Variants in SPOCD1 observed in about 807,000 individuals in gnomAD.
The protein encoded by SPOCD1 is SPOC domain-containing protein 1.
In SPOCD1, 64 loss-of-function variants were observed where a neutral mutation model predicts 92.2. The observed-to-expected ratio is 0.69, with a 90% CI of 0.57 to 0.86. SPOCD1 has a LOEUF of 0.86. Ranked by LOEUF, SPOCD1 falls within the 40% of genes least tolerant of loss-of-function variation. SPOCD1 has a pLI of 0.00. For missense variants in SPOCD1, 1,360 were observed against 1,543.1 expected (o/e 0.88, Z 1.99); for synonymous variants, 578 against 619.3 (o/e 0.93, Z 0.99).
At chr1:31,806,571 G>A (rs1029845457) in intron 2 of SPOCD1, among the ~76,000 whole-genome samples, 1 of 149,654 alleles carries the variant, frequency 6.7e-6, no homozygotes, top group Non-Finnish European at 1.5e-5. Context: ...TTGAGACGGA[G>A]TCTCACACTG....
At chr1:31,797,703 C>T (rs1570162360) in intron 9 of SPOCD1, among the ~76,000 whole-genome samples, 1 of 152,224 alleles carries the variant, frequency 6.6e-6, no homozygotes, top group South Asian at 2.1e-4. Flanking sequence ...TTCTCCAAAG[C>T]CTGCTCAGTG....
intron 2 of SPOCD1, among the ~76,000 whole-genome samples, chr1:31,802,223 G>T (rs955163514): frequency 2.0e-4 from 31 of 152,146 alleles, no homozygotes; most frequent in African/African-American, 7.2e-4. Context: ...TTCATACTAC[G>T]AATTCTATGT....
intron 2 of SPOCD1, among the ~76,000 whole-genome samples, chr1:31,810,076 G>GCCCTC (rs1649101447): frequency 1.3e-5 from 2 of 151,930 alleles, no homozygotes; most frequent in African/African-American, 4.8e-5. Flanking sequence ...CCCCTCCTCT[G>GCCCTC]CCCTCCCCTC....
At chr1:31,806,926 AC>A (rs1230157963) in intron 2 of SPOCD1, among the ~76,000 whole-genome samples, 1 of 152,198 alleles carries the variant, frequency 6.6e-6, no homozygotes, top group Non-Finnish European at 1.5e-5. Flanking sequence ...TTTTACACTT[AC>A]AGTACATCTC....
intron 13 of SPOCD1, 89 bp downstream of exon 13, chr1:31,793,189 A>C: frequency 6.9e-7 from 1 of 1,440,116 alleles, no homozygotes; most frequent in Non-Finnish European, 9.3e-7. Context: ...GAATTGTTTT[A>C]GAATGCATGA....
chr1:31,805,724 T>A (rs1648778465), intron 2 of SPOCD1, among the ~76,000 whole-genome samples: 1 of 151,272 alleles, frequency 6.6e-6, no homozygotes, highest in Non-Finnish European at 1.5e-5. Flanking sequence ...AGACTGTGTC[T>A]CAAAAAAAAG....
Position 31,790,885 on chromosome 1 carries a change from G to A in SPOCD1, c.3369C>T (p.Pro1123=), listed in dbSNP as rs933733515. 5 of 1,581,750 alleles carry A rather than the reference G, an allele frequency of 3.2e-6. No homozygotes were observed. In the South Asian group the frequency reaches 5.8e-5, roughly 18 times the overall value. Residue 1123 remains proline (P), a synonymous_variant, in exon 16 of 16, where the codon CCC becomes CCT. Coordinates refer to ENST00000360482, the MANE Select transcript of SPOCD1 (RefSeq NM_144569.7). ...PEPGLRQSQH[P]YSVAPAGHGF... ...CATGACCAGCTGGTGCTACTGAATAGGGATGCTGGGACTGGCGCAAGCCTG... is the reference window on the plus strand; with the variant it reads ...CATGACCAGCTGGTGCTACTGAATAAGGATGCTGGGACTGGCGCAAGCCTG...
chr1:31,799,423 T>C lies in SPOCD1; in HGVS notation c.1846A>G (p.Met616Val). 6.2e-7 allele frequency: 1 copy of C among 1,611,100 alleles called. No individual in the cohort carries two copies. Among genetic ancestry groups the C allele is most frequent in the Non-Finnish European group, 8.5e-7 (1 of 1,178,894 alleles). The stretch of plus-strand genomic sequence containing the variant: ...CACCGAGTCCATAGTACCTCCTGCA[T>C]GGAACGGACAACAGTGCCCCGCACC... ...IGVRGTVVRSMQEVLWTRLRE... is the reference protein window; with the variant it reads ...IGVRGTVVRSVQEVLWTRLRE... The change falls in exon 7 of 16, where the codon ATG (methionine) becomes GTG (valine). Residue 616 changes from methionine (M) to valine (V), a missense_variant. Physicochemically the swap from Met to Val is conservative, Grantham distance 21. Transcript: ENST00000360482.
At chr1:31,793,926 C>T (rs1557816401) in intron 11 of SPOCD1, 29 bp from the exon 12 acceptor site, 1 of 1,596,400 alleles carries the variant, frequency 6.3e-7, no homozygotes, top group Non-Finnish European at 8.6e-7. Flanking sequence ...GGAGCTGAAA[C>T]AGGGGCAGCA....
At position 31,812,929 on chromosome 1, in the gene SPOCD1, T is replaced by C. The variant is rs555921456; in HGVS notation, c.1383+1022A>G. Among the ~76,000 whole-genome samples the C allele has an allele frequency of 2.0e-5, 3 of 152,356 alleles. No homozygotes were observed. The South Asian group carries it at 6.2e-4, about 32-fold the overall frequency. ...CATCATGCATATTCAATAAATGTGATGAAAATCCAACTATGTGAGAAATAT... is the reference window on the plus strand; with the variant it reads ...CATCATGCATATTCAATAAATGTGACGAAAATCCAACTATGTGAGAAATAT... On this transcript the variant is annotated intron_variant, in intron 2 of 15. Coordinates refer to ENST00000360482, the MANE Select transcript of SPOCD1 (RefSeq NM_144569.7).
At chr1:31,797,419 C>A (rs1648103127) in intron 9 of SPOCD1, among the ~76,000 whole-genome samples, 1 of 152,240 alleles carries the variant, frequency 6.6e-6, no homozygotes, top group South Asian at 2.1e-4. Flanking sequence ...CCTTGAAATT[C>A]TTAGCAGTTG....
At chr1:31,804,416 T>A (rs781378059) in intron 2 of SPOCD1, among the ~76,000 whole-genome samples, 5 of 152,196 alleles carry the variant, frequency 3.3e-5, no homozygotes, top group African/African-American at 7.2e-5. Context: ...ATACCTTTCA[T>A]CTATAAAGGA....
intron 3 of SPOCD1, 103 bp downstream of exon 3, chr1:31,801,561 G>T: frequency 1.9e-6 from 2 of 1,027,296 alleles, no homozygotes; most frequent in Non-Finnish European, 3.0e-6. Flanking sequence ...AGGGCAGGCT[G>T]GGTGGGGGTA....
At position 31,792,709 on chromosome 1, in the gene SPOCD1, A is replaced by C; in HGVS notation, c.2744T>G (p.Leu915Arg). The C allele has an allele frequency of 6.2e-7, 1 of 1,607,328 alleles. No homozygotes were observed. Among genetic ancestry groups the C allele is most frequent in the Non-Finnish European group, 8.5e-7 (1 of 1,177,410 alleles). ...CTTGGCTGGGCAGATGCTGGCCAGA[A>C]GGTCCCAGACAATGTTGGAGGGGAT... ...GCIPSNIVWD[L>R]LASICPAKAK... The change falls in exon 14 of 16, where the codon CTT becomes CGT. Residue 915 changes from leucine (L) to arginine (R), a missense_variant. Physicochemically the swap from Leu to Arg is moderately radical, Grantham distance 102. Coordinates refer to ENST00000360482, the MANE Select transcript of SPOCD1 (RefSeq NM_144569.7).
At chr1:31,796,546 C>T in intron 10 of SPOCD1, 44 bp downstream of exon 10, 1 of 1,614,198 alleles carries the variant, frequency 6.2e-7, no homozygotes, top group African/African-American at 1.3e-5. Context: ...GTGGGACCCC[C>T]AGGCATGGGC....
Position 31,800,096 on chromosome 1 carries a change from C to T in SPOCD1, c.1648G>A (p.Gly550Ser). The T allele has an allele frequency of 6.2e-7, 1 of 1,605,248 alleles. No individual in the cohort carries two copies. The highest frequency in any genetic ancestry group is 8.5e-7 in the Non-Finnish European group (1 of 1,177,538). ...GGAGGGTAGAAGGGGTCAGAGAGGC[C>T]ACCAGGGTCCCCTGCTGTGCCTCCT... is the stretch of plus-strand genomic sequence containing the variant. ...PSGGTAGDPG[G>S]LSDPFYPPRS... The change falls in exon 5 of 16, where the codon GGC becomes AGC. Residue 550 changes from glycine to serine, a missense_variant. Gly to Ser is a moderately conservative substitution (Grantham distance 56, BLOSUM62 0). This residue lies in a region of SPOCD1 where 606 missense variants were observed against 601.5 expected (regional missense o/e 1.01). Coordinates refer to ENST00000360482, the MANE Select transcript of SPOCD1 (RefSeq NM_144569.7).
intron 10 of SPOCD1, chr1:31,796,187 T>G (rs1453829233): frequency 1.9e-5 from 6 of 319,390 alleles, no homozygotes; most frequent in Non-Finnish European, 3.1e-5. Flanking sequence ...GCCTGGAGCA[T>G]CCCTAAACCA....
intron 13 of SPOCD1, 76 bp from the exon 14 acceptor site, chr1:31,792,843 G>T: frequency 8.4e-7 from 1 of 1,186,324 alleles, no homozygotes; most frequent in African/African-American, 1.5e-5. Context: ...CAGCCACCTG[G>T]AAGGCTGCAG....
chr1:31,807,284 G>T (rs892777464), intron 2 of SPOCD1, among the ~76,000 whole-genome samples: 1 of 143,514 alleles, frequency 7.0e-6, no homozygotes, highest in African/African-American at 2.6e-5. Context: ...AGCTACTTGG[G>T]AGGCTGAGGC....
Sources: allele counts gnomAD v4.1 joint callset (sites outside exome capture counted in the v4.1 genomes callset), GRCh38; gene constraint gnomAD v4.1.1; regional missense constraint gnomAD v4.1.1; transcripts MANE v1.5; gene names NCBI Gene and HGNC (gene_info 2026-07-23, HGNC 2026-07-21).